CACNB2: variants seen among roughly 807,000 people sequenced by gnomAD.
CACNB2 encodes the protein calcium voltage-gated channel auxiliary subunit beta 2.
Under a neutral mutation model 73.3 loss-of-function variants are expected in CACNB2, and 42 were observed. The observed-to-expected ratio is 0.57, with a 90% CI of 0.45 to 0.74. The LOEUF (loss-of-function observed/expected upper bound fraction) is 0.74, where lower values mean the gene tolerates loss of function less well. CACNB2 is among the 30% of genes least tolerant of loss of function. The pLI is 0.00. For missense variants in CACNB2, 940 were observed against 853.0 expected (o/e 1.10, Z -1.27); for synonymous variants, 348 against 310.3 (o/e 1.12, Z -1.28).
Position 18,295,123 on chromosome 10 carries a change from G to A in CACNB2, c.214-106801G>A, listed in dbSNP as rs78666377. The stretch of plus-strand genomic sequence containing the variant: ...GGTGTTTTATAATAAGAGAAGTTAG[G>A]AGCAATTTTAATATTAAAGATAGTA... On this transcript the variant is annotated intron_variant, in intron 2 of 13. Transcript: ENST00000324631. Among the ~76,000 whole-genome samples, 652 of 152,264 alleles carry A rather than the reference G, an allele frequency of 4.3e-3. 7 individuals carry two copies. Among genetic ancestry groups the A allele is most frequent in the African/African-American group, 0.015 (626 of 41,544 alleles).
At chr10:18,235,288 A>G (rs1264869324) in intron 2 of CACNB2, among the ~76,000 whole-genome samples, 1 of 152,010 alleles carries the variant, frequency 6.6e-6, no homozygotes, top group African/African-American at 2.4e-5. Context: ...CCCAGTCCCT[A>G]TAAAAAATAA....
intron 3 of CACNB2, among the ~76,000 whole-genome samples, chr10:18,463,038 A>G (rs974659603): frequency 5.3e-5 from 8 of 152,176 alleles, no homozygotes; most frequent in African/African-American, 1.9e-4. Flanking sequence ...ATTACAGGCA[A>G]GAGCCACCGC....
intron 2 of CACNB2, among the ~76,000 whole-genome samples, chr10:18,362,612 C>T (rs1054838546): frequency 1.3e-5 from 2 of 152,126 alleles, no homozygotes; most frequent in African/African-American, 4.8e-5. Flanking sequence ...AAGTCCATAA[C>T]GTGTTAAAAG....
chr10:18,192,942 C>T (rs944169653), intron 2 of CACNB2, among the ~76,000 whole-genome samples: 1 of 152,146 alleles, frequency 6.6e-6, no homozygotes, highest in African/African-American at 2.4e-5. Flanking sequence ...AATTGAGCTG[C>T]TATGAACATT....
chr10:18,150,855 C>G (rs79936088), intron 1 of CACNB2, 28 bp from the exon 2 acceptor site: 20 of 484,690 alleles, frequency 4.1e-5, no homozygotes, highest in African/African-American at 8.9e-5. Flanking sequence ...TCTTATTTGT[C>G]TTTTTTTTTT....
chr10:18,209,583 A>G (rs1202821664), intron 2 of CACNB2, among the ~76,000 whole-genome samples: 1 of 152,134 alleles, frequency 6.6e-6, no homozygotes, highest in African/African-American at 2.4e-5. Flanking sequence ...TTTTTCACTT[A>G]TAATTAAATA....
intron 2 of CACNB2, among the ~76,000 whole-genome samples, chr10:18,308,186 G>C (rs1328331867): frequency 6.6e-6 from 1 of 151,714 alleles, no homozygotes; most frequent in African/African-American, 2.4e-5. Flanking sequence ...TAGAGTCCGG[G>C]TTTCGCCATG....
intron 2 of CACNB2, among the ~76,000 whole-genome samples, chr10:18,311,014 A>G (rs1789042122): frequency 6.6e-6 from 1 of 152,092 alleles, no homozygotes; most frequent in South Asian, 2.1e-4. Flanking sequence ...AGGACATTTC[A>G]TTGCCTCATC....
At chr10:18,534,290 G>C (rs1260389841) in intron 11 of CACNB2, 63 bp downstream of exon 11, 1 of 1,383,392 alleles carries the variant, frequency 7.2e-7, no homozygotes, top group South Asian at 1.2e-5. Context: ...TTTATGTTCT[G>C]CTTTCTATAA....
intron 6 of CACNB2, among the ~76,000 whole-genome samples, chr10:18,510,911 A>G (rs1284748950): frequency 6.6e-6 from 1 of 152,208 alleles, no homozygotes; most frequent in Non-Finnish European, 1.5e-5. Context: ...TGTCCTTCAT[A>G]TCCAGGAAAG....
In CACNB2 at chr10:18,356,942, CT is replaced by C. The variant is rs71402158; in HGVS notation, c.214-44962del. Among the ~76,000 whole-genome samples the C allele has an allele frequency of 4.7e-4, 48 of 101,138 alleles. 1 individual carries two copies. The highest frequency in any genetic ancestry group is 1.2e-3 in the African/African-American group (35 of 29,370). 66.4% of individuals were successfully genotyped at this position (101,138 alleles called of 152,430 possible). A position where few individuals can be genotyped will look rare whatever the true frequency, so the allele number is the denominator to read the frequency against. On this transcript the variant is annotated intron_variant, in intron 2 of 13. Coordinates refer to ENST00000324631, the MANE Select transcript of CACNB2 (RefSeq NM_201596.3). ...ACTGTGCCTGGCCCAGACTCAATTT[CT>C]TTTTTTTTTTTTTTTTTTTGAGACG...
At chr10:18,328,776 A>C (rs2132000038) in intron 2 of CACNB2, among the ~76,000 whole-genome samples, 1 of 152,344 alleles carries the variant, frequency 6.6e-6, no homozygotes, top group African/African-American at 2.4e-5. Context: ...AGCTTCAGGG[A>C]TTCTGAGCTA....
intron 3 of CACNB2, among the ~76,000 whole-genome samples, chr10:18,437,465 T>A (rs1225348829): frequency 1.3e-5 from 2 of 152,220 alleles, no homozygotes; most frequent in Non-Finnish European, 2.9e-5. Flanking sequence ...TTAACACATA[T>A]TTTGTGTGTT....
At chr10:18,155,947 A>G (rs1370481586) in intron 2 of CACNB2, among the ~76,000 whole-genome samples, 2 of 151,676 alleles carry the variant, frequency 1.3e-5, no homozygotes, top group African/African-American at 4.8e-5. Context: ...CATACCATAT[A>G]TATCACATTA....
At chr10:18,446,378 TG>T (rs1438956598) in intron 3 of CACNB2, among the ~76,000 whole-genome samples, 1 of 152,134 alleles carries the variant, frequency 6.6e-6, no homozygotes, top group Non-Finnish European at 1.5e-5. Flanking sequence ...TAAATTAGGC[TG>T]GAGTAAATGT....
intron 2 of CACNB2, among the ~76,000 whole-genome samples, chr10:18,183,959 A>G (rs992765560): frequency 6.6e-6 from 1 of 152,226 alleles, no homozygotes; most frequent in Admixed American, 6.5e-5. Context: ...TCCTCTGTGC[A>G]GATGAAACAA....
intron 2 of CACNB2, among the ~76,000 whole-genome samples, chr10:18,161,238 A>G (rs1045888279): frequency 3.9e-5 from 6 of 152,162 alleles, no homozygotes; most frequent in Non-Finnish European, 8.8e-5. Flanking sequence ...TCCTTCCAAA[A>G]CTGTCATCAG....
At chr10:18,456,245 C>A (rs11014313) in intron 3 of CACNB2, among the ~76,000 whole-genome samples, 39,684 of 151,842 alleles carry the variant, frequency 0.26, 5,901 homozygotes, top group Middle Eastern at 0.4. Flanking sequence ...CTGAGGCGGG[C>A]TTATCATTTC....
chr10:18,450,994 CAT>C (rs1396728055), intron 3 of CACNB2, among the ~76,000 whole-genome samples: 1 of 152,126 alleles, frequency 6.6e-6, no homozygotes, highest in Non-Finnish European at 1.5e-5. Flanking sequence ...TTACTTGGGA[CAT>C]ATTTCAGCAG....
Sources: allele counts gnomAD v4.1 joint callset (sites outside exome capture counted in the v4.1 genomes callset), GRCh38; gene constraint gnomAD v4.1.1; transcripts MANE v1.5; gene names NCBI Gene and HGNC (gene_info 2026-07-23, HGNC 2026-07-21).